Variants in TRDN observed in about 807,000 individuals in gnomAD.
TRDN encodes triadin, also known as triadin in skeletal muscle.
In TRDN, 161 loss-of-function variants were observed where a neutral mutation model predicts 149.7. The observed-to-expected ratio is 1.08, with a 90% CI of 0.95 to 1.23. The LOEUF (loss-of-function observed/expected upper bound fraction) is 1.23. Ranked by LOEUF, TRDN falls within the 50% of genes most tolerant of loss-of-function variation. The probability of loss-of-function intolerance (pLI) is 0.00; values close to 1 mark genes in which losing one functional copy is unlikely to be tolerated. For synonymous variants in TRDN, 294 were observed against 250.5 expected, an observed-to-expected ratio of 1.17 and a Z score of -1.64; for missense variants, 896 against 823.5, an observed-to-expected ratio of 1.09 and a Z score of -1.08.
chr6:123,395,263 A>T (rs1772673884), intron 12 of TRDN, among the ~76,000 whole-genome samples: 1 of 152,030 alleles, frequency 6.6e-6, no homozygotes, highest in Admixed American at 6.6e-5. Flanking sequence ...ACCTCATCAC[A>T]CCTAAGATTC....
chr6:123,363,875 G>A (rs1055619704), intron 20 of TRDN, among the ~76,000 whole-genome samples: 5 of 152,164 alleles, frequency 3.3e-5, no homozygotes, highest in African/African-American at 7.2e-5. Context: ...TGAGTTTGGC[G>A]TAGAGGTTTC....
At chr6:123,334,205 G>T (rs530901764) in intron 22 of TRDN, among the ~76,000 whole-genome samples, 2 of 152,114 alleles carry the variant, frequency 1.3e-5, no homozygotes, top group South Asian at 4.1e-4. Flanking sequence ...GAAGTTGGGG[G>T]ATCATAAGTT....
intron 5 of TRDN, chr6:123,529,084 C>A (rs2114329429): frequency 6.9e-7 from 1 of 1,442,132 alleles, no homozygotes; most frequent in Non-Finnish European, 9.1e-7. Context: ...TAGCCAGGTC[C>A]AAAATGCAAA....
intron 5 of TRDN, 48 bp downstream of exon 5, chr6:123,530,458 C>A (rs1273959365): frequency 8.9e-7 from 1 of 1,123,818 alleles, no homozygotes. Context: ...TATGAATACA[C>A]AAAAATGTAT....
intron 24 of TRDN, among the ~76,000 whole-genome samples, chr6:123,308,590 T>A (rs1778701195): frequency 6.6e-6 from 1 of 152,030 alleles, no homozygotes; most frequent in African/African-American, 2.4e-5. Context: ...GGATTCAAAG[T>A]GAATGTTCCC....
At chr6:123,284,082 G>GA (rs1777713111) in intron 24 of TRDN, among the ~76,000 whole-genome samples, 1 of 105,460 alleles carries the variant, frequency 9.5e-6, no homozygotes, top group African/African-American at 3.8e-5. Flanking sequence ...ACTAACTCTT[G>GA]CCCCCCCCCC....
At chr6:123,504,191 A>G (rs1015216511) in intron 7 of TRDN, among the ~76,000 whole-genome samples, 2 of 152,002 alleles carry the variant, frequency 1.3e-5, no homozygotes, top group African/African-American at 2.4e-5. Flanking sequence ...TTTTAAGGCA[A>G]TAGTAACTTA....
chr6:123,311,625 C>T (rs1415386237), intron 24 of TRDN, among the ~76,000 whole-genome samples: 2 of 151,892 alleles, frequency 1.3e-5, no homozygotes, highest in Non-Finnish European at 2.9e-5. Flanking sequence ...GATCAGTAGG[C>T]CATAAGAACT....
intron 10 of TRDN, among the ~76,000 whole-genome samples, chr6:123,455,538 A>G (rs1232896879): frequency 6.6e-6 from 1 of 152,106 alleles, no homozygotes; most frequent in East Asian, 1.9e-4. Flanking sequence ...GTGCTTTTGC[A>G]TTTCAGAAGG....
intron 12 of TRDN, among the ~76,000 whole-genome samples, chr6:123,425,218 C>T (rs1774065917): frequency 2.1e-5 from 3 of 146,050 alleles, no homozygotes; most frequent in Admixed American, 7.0e-5. Context: ...CATAGAGCCA[C>T]ATTCAGAGGT....
At chr6:123,357,412 T>G (rs940610711) in intron 20 of TRDN, among the ~76,000 whole-genome samples, 7 of 152,084 alleles carry the variant, frequency 4.6e-5, no homozygotes, top group African/African-American at 1.7e-4. Flanking sequence ...TGGGAAAGAC[T>G]TAGATGTTCC....
chr6:123,581,579 T>C (rs534567921), intron 1 of TRDN, among the ~76,000 whole-genome samples: 4 of 152,318 alleles, frequency 2.6e-5, no homozygotes, highest in African/African-American at 7.2e-5. Flanking sequence ...ATGCGGTATA[T>C]AGTGACCTCT....
At chr6:123,360,758 A>G (rs375940821) in intron 20 of TRDN, among the ~76,000 whole-genome samples, 4 of 152,028 alleles carry the variant, frequency 2.6e-5, no homozygotes, top group South Asian at 4.2e-4. Context: ...AGAGAGAGAG[A>G]GGTGTAAATC....
rs142003178 is a variant in TRDN at position 123,451,359 on chromosome 6, T to C, written c.932-12356A>G. Among the ~76,000 whole-genome samples, 163 of 152,064 alleles carry C rather than the reference T, an allele frequency of 1.1e-3. 1 individual carries two copies. The highest frequency in any genetic ancestry group is 3.4e-3 in the African/African-American group (141 of 41,536). On this transcript the variant is annotated intron_variant, in intron 10 of 40. Transcript: ENST00000334268. ...TAAAATTGATAGACCATTAGCAAGA[T>C]TAACCAAGAAGAGAAGAGAGAAAAT...
chr6:123,304,423 T>G (rs1778536655), intron 24 of TRDN, among the ~76,000 whole-genome samples: 1 of 151,804 alleles, frequency 6.6e-6, no homozygotes, highest in Non-Finnish European at 1.5e-5. Flanking sequence ...CGGCTAATTT[T>G]TTTGTATTTT....
At chr6:123,559,661 T>A (rs144400024) in intron 2 of TRDN, among the ~76,000 whole-genome samples, 30 of 152,120 alleles carry the variant, frequency 2.0e-4, no homozygotes, top group East Asian at 1.5e-3. Context: ...GCCTGTTATC[T>A]CTCGCCTGCT....
At chr6:123,447,329 C>A (rs961582169) in intron 10 of TRDN, among the ~76,000 whole-genome samples, 2 of 152,124 alleles carry the variant, frequency 1.3e-5, no homozygotes, top group African/African-American at 4.8e-5. Context: ...GTTTTAAAAA[C>A]CTCCTTCCAG....
In TRDN at chr6:123,258,627, G is replaced by C. The variant is rs148778694; in HGVS notation, c.1870+997C>G. Among the ~76,000 whole-genome samples the C allele has an allele frequency of 4.7e-4, 71 of 152,228 alleles. 1 individual carries two copies. The East Asian group carries it at 0.013, about 27-fold the overall frequency. Reference sequence around the variant, plus strand: ...TTTGTTATGTCTCTGCCAGGTTTTGGTGTAAGGTTGACGCTGGCCTCACAA... The same window carrying C: ...TTTGTTATGTCTCTGCCAGGTTTTGCTGTAAGGTTGACGCTGGCCTCACAA... On this transcript the variant is annotated intron_variant, in intron 35 of 40. Coordinates refer to ENST00000334268, the MANE Select transcript of TRDN (RefSeq NM_006073.4).
chr6:123,522,123 T>C (rs1215791746), intron 5 of TRDN, among the ~76,000 whole-genome samples: 3 of 152,150 alleles, frequency 2.0e-5, no homozygotes, highest in African/African-American at 7.2e-5. Context: ...CCAGTATACA[T>C]TTCTGTTAAG....
Sources: allele counts gnomAD v4.1 joint callset (sites outside exome capture counted in the v4.1 genomes callset), GRCh38; gene constraint gnomAD v4.1.1; transcripts MANE v1.5; gene names NCBI Gene and HGNC (gene_info 2026-07-23, HGNC 2026-07-21).